WDPCP: variants seen among roughly 807,000 people sequenced by gnomAD.
WDPCP encodes WD repeat containing planar cell polarity effector, also known as WD repeat-containing and planar cell polarity effector protein fritz homolog.
WDPCP carries 71 observed loss-of-function variants against 93.1 expected under a neutral mutation model. The ratio of observed to expected loss-of-function variants is 0.76; its 90% CI spans 0.63 to 0.93. WDPCP has a LOEUF of 0.93. WDPCP is among the 40% of genes least tolerant of loss of function. WDPCP has a pLI of 0.00. For synonymous variants in WDPCP, 315 were observed against 315.0 expected, an observed-to-expected ratio of 1.00 and a Z score of 0.00; for missense variants, 844 against 887.4, an observed-to-expected ratio of 0.95 and a Z score of 0.62.
chr2:63,131,867 G>A (rs1456967596), intron 17 of WDPCP, among the ~76,000 whole-genome samples: 6 of 135,546 alleles, frequency 4.4e-5, no homozygotes, highest in Admixed American at 8.2e-5. Flanking sequence ...ATGGGGTCTC[G>A]CTCTGTCTCC....
chr2:63,303,970 C>CAAAAAAAA, intron 13 of WDPCP, among the ~76,000 whole-genome samples: 1 of 131,360 alleles, frequency 7.6e-6, no homozygotes, highest in Non-Finnish European at 1.6e-5. Context: ...AGTAAAAAGT[C>CAAAAAAAA]AAAAAAAAAA....
At chr2:63,574,448 A>G (rs1707772618) in intron 1 of WDPCP, among the ~76,000 whole-genome samples, 1 of 152,126 alleles carries the variant, frequency 6.6e-6, no homozygotes, top group African/African-American at 2.4e-5. Flanking sequence ...GAAAATCCCT[A>G]TTTTCTTCTA....
At chr2:63,774,881 T>C (rs1670280410) in intron 2 of WDPCP, among the ~76,000 whole-genome samples, 2 of 152,192 alleles carry the variant, frequency 1.3e-5, no homozygotes, top group African/African-American at 4.8e-5. Context: ...CAATATGTTC[T>C]TCACACTGCT....
At chr2:63,638,721 T>C (rs375319398) in intron 3 of WDPCP, among the ~76,000 whole-genome samples, 43 of 151,744 alleles carry the variant, frequency 2.8e-4, no homozygotes, top group African/African-American at 8.9e-4. Flanking sequence ...CCCAGGAGTT[T>C]GAGGTTGCAG....
chr2:63,577,133 T>A (rs934586292), intron 1 of WDPCP, among the ~76,000 whole-genome samples: 1 of 152,230 alleles, frequency 6.6e-6, no homozygotes, highest in Non-Finnish European at 1.5e-5. Flanking sequence ...TTATATTTAA[T>A]CTGACCTAAA....
intron 2 of WDPCP, among the ~76,000 whole-genome samples, chr2:63,739,442 G>A: frequency 6.6e-6 from 1 of 152,070 alleles, no homozygotes; most frequent in East Asian, 1.9e-4. Flanking sequence ...ATCCAATTAG[G>A]TTGATTCCAT....
At chr2:63,572,930 T>C (rs1707638812) in intron 1 of WDPCP, among the ~76,000 whole-genome samples, 1 of 151,824 alleles carries the variant, frequency 6.6e-6, no homozygotes, top group Admixed American at 6.6e-5. Flanking sequence ...TAACTTTAGT[T>C]AGAAGAGGAT....
At chr2:63,378,637 A>G (rs2292794) in intron 11 of WDPCP, 128 bp from the exon 12 acceptor site, 967,981 of 1,305,838 alleles carry the variant, frequency 0.74, 363,388 homozygotes, top group East Asian at 0.96. Flanking sequence ...CAGGAAAGAT[A>G]AAATTAAAAT....
At chr2:63,522,716 A>G (rs142795058) in intron 1 of WDPCP, among the ~76,000 whole-genome samples, 24 of 152,332 alleles carry the variant, frequency 1.6e-4, no homozygotes, top group African/African-American at 5.8e-4. Flanking sequence ...TCTACCAGAA[A>G]TGAGTAACTT....
At chr2:63,750,191 G>C (rs1669860492) in intron 2 of WDPCP, among the ~76,000 whole-genome samples, 4 of 152,068 alleles carry the variant, frequency 2.6e-5, no homozygotes, top group African/African-American at 9.7e-5. Flanking sequence ...GGAGGCATCA[G>C]AATGGATGAG....
chr2:63,176,977 G>C (rs1294270039), intron 14 of WDPCP, among the ~76,000 whole-genome samples: 1 of 152,154 alleles, frequency 6.6e-6, no homozygotes, highest in African/African-American at 2.4e-5. Flanking sequence ...TTTGCATGGG[G>C]ATATCCAGTT....
chr2:63,140,440 A>G (rs1670974699), intron 17 of WDPCP, among the ~76,000 whole-genome samples: 1 of 152,122 alleles, frequency 6.6e-6, no homozygotes. Flanking sequence ...CTACCCATTC[A>G]TGAGCATGGG....
intron 3 of WDPCP, among the ~76,000 whole-genome samples, chr2:63,650,487 G>A (rs1710096998): frequency 6.6e-6 from 1 of 152,046 alleles, no homozygotes; most frequent in Admixed American, 6.6e-5. Context: ...AGTTTCCCAT[G>A]GCTTCTTTAC....
chr2:63,208,421 A>G lies in WDPCP; in HGVS notation c.1916-33589T>C, dbSNP rs561227004. On this transcript the variant is annotated intron_variant, in intron 14 of 17. Coordinates refer to ENST00000272321, the MANE Select transcript of WDPCP (RefSeq NM_015910.7). ...AGAGAAAAATATGGTCTTCTATTTT[A>G]CCCCTTTAATTTCTACATTCTTTTT... 2.6e-5 allele frequency among the ~76,000 whole-genome samples: 4 copies of G among 151,162 alleles called. No homozygotes were observed. The South Asian group carries it at 6.2e-4, about 24-fold the overall frequency.
chr2:63,293,836 G>T (rs1684631006), intron 13 of WDPCP, among the ~76,000 whole-genome samples: 1 of 152,094 alleles, frequency 6.6e-6, no homozygotes, highest in African/African-American at 2.4e-5. Context: ...AAAAAAGACT[G>T]AAGAAAAGTG....
intron 1 of WDPCP, among the ~76,000 whole-genome samples, chr2:63,546,791 A>G (rs1705182904): frequency 6.6e-6 from 1 of 152,088 alleles, no homozygotes; most frequent in Admixed American, 6.6e-5. Context: ...AAGGTATTAG[A>G]AAGCAGAAAC....
rs11440057 is a variant in WDPCP, at chr2:63,368,325, T to TAATTA, written c.1748+10060_1748+10061insTAATT. On this transcript the variant is annotated intron_variant, in intron 12 of 17. Transcript: ENST00000272321. ...TTATTTATTTATTTATTTATTTATTTATTTATTTATTTATTTTTGAGACAG... is the reference window on the plus strand; with the variant it reads ...TTATTTATTTATTTATTTATTTATTTAATTAATTTATTTATTTATTTTTGAGACAG... Among the ~76,000 whole-genome samples, 264 of 75,250 alleles carry TAATTA rather than the reference T, an allele frequency of 3.5e-3. 3 individuals carry two copies. Among genetic ancestry groups the TAATTA allele is most frequent in the African/African-American group, 8.6e-3 (177 of 20,490 alleles). The allele number at this position is 75,250 out of a possible 152,430, so 49.4% of individuals were successfully genotyped here. A position where few individuals can be genotyped will look rare whatever the true frequency, so the allele number is the denominator to read the frequency against.
chr2:63,133,742 T>A (rs982153406), intron 17 of WDPCP, among the ~76,000 whole-genome samples: 2 of 152,186 alleles, frequency 1.3e-5, no homozygotes, highest in African/African-American at 4.8e-5. Flanking sequence ...CTTTCCTTTA[T>A]AAATTACCCA....
At chr2:63,466,975 G>C (rs968218862) in intron 6 of WDPCP, among the ~76,000 whole-genome samples, 9 of 152,092 alleles carry the variant, frequency 5.9e-5, no homozygotes, top group African/African-American at 2.2e-4. Flanking sequence ...AAGAGAACAG[G>C]AAGAAAATGT....
Sources: allele counts gnomAD v4.1 joint callset (sites outside exome capture counted in the v4.1 genomes callset), GRCh38; gene constraint gnomAD v4.1.1; transcripts MANE v1.5; gene names NCBI Gene and HGNC (gene_info 2026-07-23, HGNC 2026-07-21).